PABIR3: variants seen among roughly 807,000 people sequenced by gnomAD.
The protein encoded by PABIR3 is PABIR family member 1.
A neutral mutation model predicts 23.1 loss-of-function variants in PABIR3; 20 were observed. That is an observed-to-expected ratio of 0.86 (90% CI 0.61 to 1.26). The LOEUF is 1.26. PABIR3 is among the 50% of genes most tolerant of loss of function. The pLI is 0.00. For missense variants in PABIR3, 189 were observed against 195.4 expected, an observed-to-expected ratio of 0.97 and a Z score of 0.20; for synonymous variants, 69 against 68.5, an observed-to-expected ratio of 1.01 and a Z score of -0.04.
rs1255721688 is a variant in PABIR3 at position 134,822,340 on chromosome X, C to T, written c.190-6886C>T. 6.7e-6 allele frequency: 5 copies of T among 747,596 alleles called. No individual in the cohort carries two copies. In the African/African-American group the frequency reaches 1.2e-4, roughly 17 times the overall value. 61.6% of individuals were successfully genotyped at this position (747,596 alleles called of 1,213,427 possible). On this transcript the variant is annotated intron_variant, in intron 3 of 10. Coordinates refer to ENST00000645433, the MANE Select transcript of PABIR3 (RefSeq NM_001388447.1). Reference sequence around the variant, plus strand: ...TAGTACTTAATTTGGGGAGAATTCTCTTCCAGAAGCCTTGTTTTCTGCAAT... The same window carrying T: ...TAGTACTTAATTTGGGGAGAATTCTTTTCCAGAAGCCTTGTTTTCTGCAAT...
intron 2 of PABIR3, among the ~76,000 whole-genome samples, chrX:134,812,913 G>A (rs1431613661): frequency 8.9e-6 from 1 of 111,924 alleles, no homozygotes; most frequent in Non-Finnish European, 1.9e-5. Context: ...CTGATCTCAG[G>A]TGAAGTTTTT....
intron 8 of PABIR3, among the ~76,000 whole-genome samples, chrX:134,848,726 G>T (rs2082521492): frequency 8.9e-6 from 1 of 112,011 alleles, no homozygotes. Context: ...AAATGGCCGA[G>T]CATGGTGGCT....
chrX:134,845,107 C>G (rs1204820289), intron 4 of PABIR3, 98 bp from the exon 5 acceptor site: 1 of 645,480 alleles, frequency 1.5e-6, no homozygotes, highest in Non-Finnish European at 2.5e-6. Context: ...CTTCTATAGC[C>G]TAGTGAATAA....
rs989147972 is a variant in PABIR3 at position 134,829,648 on chromosome X, T to TA, written c.246+366_246+367insA. Among the ~76,000 whole-genome samples, 8 of 111,659 alleles carry TA rather than the reference T, an allele frequency of 7.2e-5. No individual in the cohort carries two copies. The Admixed American group carries it at 7.7e-4, about 11-fold the overall frequency. ...GTTTTTTTGACAGATAAAATGGCCT[T>TA]CATGCTATTGTTTTGTTCTTAGTGA... On this transcript the variant is annotated intron_variant, in intron 4 of 10. Transcript: ENST00000645433.
intron 4 of PABIR3, chrX:134,832,852 T>C (rs1486874813): frequency 8.9e-6 from 1 of 112,383 alleles, no homozygotes; most frequent in African/African-American, 3.2e-5. Context: ...AATGTAGATA[T>C]CTCTTCTATA....
intron 3 of PABIR3, among the ~76,000 whole-genome samples, chrX:134,827,871 C>T (rs1338452985): frequency 9.1e-6 from 1 of 109,589 alleles, no homozygotes; most frequent in South Asian, 3.9e-4. Context: ...CCTTTGAACT[C>T]TGTCCTTTGA....
At position 134,814,819 on chromosome X, in the gene PABIR3, CAG is replaced by C. The variant is rs1389468573; in HGVS notation, c.161_162del (p.Arg54AsnfsTer4). ...QADMLRIRTN[R>X]TTFRNRRSLL... ...CTGACATGTTAAGAATTAGGACAAA[CAG>C]AACAACATTTAGGAATCGACGCTCT... On this transcript the variant is annotated frameshift_variant, in exon 3 of 11. Coordinates refer to ENST00000645433, the MANE Select transcript of PABIR3 (RefSeq NM_001388447.1). LOFTEE classifies it high-confidence loss of function. The C allele has an allele frequency of 3.3e-6, 4 of 1,197,230 alleles. No individual in the cohort carries two copies. Among genetic ancestry groups the C allele is most frequent in the Non-Finnish European group, 1.1e-6 (1 of 888,870 alleles).
At position 134,814,716 on chromosome X, in the gene PABIR3, A is replaced by AG. The variant is rs1556312804; in HGVS notation, c.111-55_111-54insG. ...GAGACTCCGTCTCAAAAAAAAAAAA[A>AG]AAAAGAATTTTGTAATGGATTTTAT... On this transcript the variant is annotated intron_variant, in intron 2 of 10. Coordinates refer to ENST00000645433, the MANE Select transcript of PABIR3 (RefSeq NM_001388447.1). The AG allele has an allele frequency of 4.0e-5, 40 of 1,003,938 alleles. No individual in the cohort carries two copies. The African/African-American group carries it at 7.0e-4, about 18-fold the overall frequency. 82.7% of individuals were successfully genotyped at this position (1,003,938 alleles called of 1,213,427 possible). A position where few individuals can be genotyped will look rare whatever the true frequency, so the allele number is the denominator to read the frequency against.
downstream of PABIR3, among the ~76,000 whole-genome samples, chrX:134,855,878 T>G (rs17317863): frequency 0.018 from 2,045 of 112,069 alleles, 26 homozygotes; most frequent in Non-Finnish European, 0.029. Flanking sequence ...TACTTGCTTC[T>G]TTACTTGCCA....
At chrX:134,822,012 T>C in intron 3 of PABIR3, 1 of 758,473 alleles carries the variant, frequency 1.3e-6, no homozygotes, top group Non-Finnish European at 1.6e-6. Flanking sequence ...TTTCCTCCTA[T>C]CTTAATCCTT....
chrX:134,820,146 T>A (rs758283452), intron 3 of PABIR3, among the ~76,000 whole-genome samples: 1 of 111,150 alleles, frequency 9.0e-6, no homozygotes, highest in Admixed American at 9.7e-5. Context: ...CAAGCTCTTA[T>A]ATATATTTAA....
At chrX:134,841,688 G>A (rs370173351) in intron 4 of PABIR3, among the ~76,000 whole-genome samples, 2 of 109,863 alleles carry the variant, frequency 1.8e-5, no homozygotes, top group African/African-American at 6.6e-5. Flanking sequence ...AATTAACTGG[G>A]TGTGGTGGCA....
At chrX:134,804,540 T>G (rs2080149147), upstream of PABIR3, among the ~76,000 whole-genome samples, 1 of 111,997 alleles carries the variant, frequency 8.9e-6, no homozygotes, top group Admixed American at 9.5e-5. Flanking sequence ...AGAAACATAG[T>G]CCCTTAGTCA....
chrX:134,861,075 G>A, the PABIR3 span, among the ~76,000 whole-genome samples: 4 of 111,190 alleles, frequency 3.6e-5, no homozygotes, highest in Non-Finnish European at 7.6e-5. Context: ...AGGAGTTGGA[G>A]ACCAGCCTGG....
rs768773441 is a variant in PABIR3 at position 134,807,671 on chromosome X, A to G, written c.73A>G (p.Arg25Gly). The G allele has an allele frequency of 5.8e-6, 7 of 1,207,015 alleles. No individual in the cohort carries two copies. The East Asian group carries it at 1.5e-4, about 26-fold the overall frequency. The change falls in exon 2 of 11, where the codon AGA becomes GGA. Residue 25 changes from arginine to glycine, a missense_variant. Physicochemically the swap from Arg to Gly is moderately radical, Grantham distance 125 (BLOSUM62 -2). Coordinates refer to ENST00000645433, the MANE Select transcript of PABIR3 (RefSeq NM_001388447.1). ...CACTACCGCAGACGGCAACATTCTG[A>G]GAAGAGTCAACAGTGCCCCTTTGAT... ...SSTTADGNIL[R>G]RVNSAPLING...
At chrX:134,850,934 G>A (rs969687565) in intron 9 of PABIR3, among the ~76,000 whole-genome samples, 2 of 111,704 alleles carry the variant, frequency 1.8e-5, no homozygotes, top group Non-Finnish European at 3.8e-5. Context: ...GTACAAATGT[G>A]CTGAAAATTC....
At chrX:134,841,495 T>TA (rs1443631263) in intron 4 of PABIR3, among the ~76,000 whole-genome samples, 1 of 111,426 alleles carries the variant, frequency 9.0e-6, no homozygotes, top group Non-Finnish European at 1.9e-5. Context: ...AGTAGAAATA[T>TA]AAAAAAGGAT....
chrX:134,852,944 C>T (rs776891246), intron 10 of PABIR3, 48 bp downstream of exon 10: 12 of 852,848 alleles, frequency 1.4e-5, no homozygotes, highest in African/African-American at 1.2e-4. Flanking sequence ...ATTTTTGCTT[C>T]GTTGTTAAGT....
At chrX:134,827,394 G>A (rs900180994) in intron 3 of PABIR3, among the ~76,000 whole-genome samples, 40 of 110,528 alleles carry the variant, frequency 3.6e-4, no homozygotes, top group African/African-American at 1.3e-3. Flanking sequence ...TCAACCTTCT[G>A]GTCATTTCTC....
Sources: gnomAD v4.1 joint callset for allele counts (sites outside exome capture counted in the v4.1 genomes callset) on GRCh38, gnomAD v4.1.1 for gene constraint, MANE v1.5 for transcripts, NCBI Gene and HGNC (gene_info 2026-07-23, HGNC 2026-07-21) for gene names.